The following UHRF1 variants were observed in gnomAD, a reference collection of about 807,000 sequenced individuals.
UHRF1 encodes E3 ubiquitin-protein ligase UHRF1.
Under a neutral mutation model 96.5 loss-of-function variants are expected in UHRF1, and 9 were observed. The ratio of observed to expected loss-of-function variants is 0.09; its 90% CI spans 0.06 to 0.16. The LOEUF (loss-of-function observed/expected upper bound fraction) is 0.16, where lower values mean the gene tolerates loss of function less well. UHRF1 is among the 10% of genes least tolerant of loss of function. UHRF1 has a pLI of 1.00. For synonymous variants in UHRF1, 455 were observed against 469.9 expected (o/e 0.97, Z 0.41); for missense variants, 626 against 1,131.1 (o/e 0.55, Z 6.40).
rs928700113 is a variant in UHRF1, at chr19:4,948,905, C to T, written c.1517+1694C>T. ...TTGGGAGGCTGAGGTGGGCGGATCACGATGTCAGGAGATCGAAACCATCCT... is the reference window on the plus strand; with the variant it reads ...TTGGGAGGCTGAGGTGGGCGGATCATGATGTCAGGAGATCGAAACCATCCT... On this transcript the variant is annotated intron_variant, in intron 11 of 16. Coordinates refer to ENST00000650932, the MANE Select transcript of UHRF1 (RefSeq NM_001048201.3). Among the ~76,000 whole-genome samples the T allele has an allele frequency of 5.6e-5, 8 of 143,770 alleles. 1 individual carries two copies. The highest frequency in any genetic ancestry group is 2.0e-4 in the East Asian group (1 of 4,972). The allele number at this position is 143,770 out of a possible 152,430, so 94.3% of individuals were successfully genotyped here.
rs538531968 is a variant in UHRF1, at chr19:4,918,602, C to T, written c.153+7564C>T. Among the ~76,000 whole-genome samples the T allele has an allele frequency of 1.8e-4, 21 of 114,614 alleles. 1 individual carries two copies. The highest frequency in any genetic ancestry group is 3.9e-4 in the East Asian group (2 of 5,078). The allele number at this position is 114,614 out of a possible 152,430, so 75.2% of individuals were successfully genotyped here. A position where few individuals can be genotyped will look rare whatever the true frequency, so the allele number is the denominator to read the frequency against. ...GCTAATTTTGTATTTTTAGTAGAGA[C>T]GAGGTTTCTCCATATTGGTCAGGCT... is the stretch of plus-strand genomic sequence containing the variant. On this transcript the variant is annotated intron_variant, in intron 2 of 16. Transcript: ENST00000650932.
At chr19:4,938,345 T>A (rs1455101503) in intron 5 of UHRF1, among the ~76,000 whole-genome samples, 1 of 152,146 alleles carries the variant, frequency 6.6e-6, no homozygotes, top group East Asian at 1.9e-4. Context: ...TAAAGTCATT[T>A]GTATTATTTC....
chr19:4,925,956 G>T (rs1568413531), intron 2 of UHRF1, among the ~76,000 whole-genome samples: 2 of 151,950 alleles, frequency 1.3e-5, no homozygotes, highest in Non-Finnish European at 2.9e-5. Flanking sequence ...GGAGTGCAGT[G>T]GTGCAATCTC....
chr19:4,942,172 G>A (rs1010528153), intron 7 of UHRF1, among the ~76,000 whole-genome samples: 3 of 152,042 alleles, frequency 2.0e-5, no homozygotes, highest in Non-Finnish European at 2.9e-5. Context: ...TTTTTGAGAC[G>A]GAGTCTTTTT....
At chr19:4,927,039 C>T (rs576674209) in intron 2 of UHRF1, among the ~76,000 whole-genome samples, 1 of 151,738 alleles carries the variant, frequency 6.6e-6, no homozygotes, top group Admixed American at 6.6e-5. Context: ...CCAGCCTGGG[C>T]GACAGAGCAA....
chr19:4,930,814 C>T lies in UHRF1; in HGVS notation c.507C>T (p.Pro169=). 1 of 1,613,988 alleles carries T rather than the reference C, an allele frequency of 6.2e-7. No homozygotes were observed. Among genetic ancestry groups the T allele is most frequent in the Non-Finnish European group, 8.5e-7 (1 of 1,179,892 alleles). ...VTRKAPSRDE[P]CSSTSRPALE... ...GGAAGGCCCCCTCCCGGGACGAGCC[C>T]TGCAGCTCCACGTCCAGGCCGGCGC... is the stretch of plus-strand genomic sequence containing the variant. Residue 169 remains proline (P), a synonymous_variant, in exon 4 of 17, where the codon CCC becomes CCT. Transcript: ENST00000650932. This position sits in a 1 kb window ranked among gnomAD's most constrained non-coding sequence, Gnocchi z 4.4.
At chr19:4,953,207 G>A (rs1046226687) in intron 13 of UHRF1, among the ~76,000 whole-genome samples, 1 of 152,176 alleles carries the variant, frequency 6.6e-6, no homozygotes, top group African/African-American at 2.4e-5. Context: ...CATTGGTCGA[G>A]GCTCCACAGT....
At chr19:4,913,070 A>G (rs985843784) in intron 2 of UHRF1, among the ~76,000 whole-genome samples, 19 of 152,026 alleles carry the variant, frequency 1.2e-4, no homozygotes, top group African/African-American at 4.6e-4. Flanking sequence ...CTTTGTCTAT[A>G]GTGAAACAGA....
intron 5 of UHRF1, among the ~76,000 whole-genome samples, chr19:4,939,949 G>C (rs1271918415): frequency 6.6e-6 from 1 of 151,626 alleles, no homozygotes. Flanking sequence ...GCGTGAACCC[G>C]GGAGGTGGAG....
chr19:4,907,732 G>A (rs1367551364), upstream of UHRF1, among the ~76,000 whole-genome samples: 1 of 55,558 alleles, frequency 1.8e-5, no homozygotes, highest in Admixed American at 2.5e-4. Flanking sequence ...TTTTTTTTGA[G>A]ACTGAGTTTT....
chr19:4,909,167 CG>C, upstream of UHRF1: 2 of 360,354 alleles, frequency 5.6e-6, no homozygotes, highest in Middle Eastern at 7.7e-4. Context: ...TCAATGCGTG[CG>C]AGTGGGGGGC....
intron 1 of UHRF1, chr19:4,909,900 G>C (rs1161259558): frequency 2.7e-6 from 1 of 371,078 alleles, no homozygotes; most frequent in East Asian, 4.0e-5. Flanking sequence ...GTGGGGGAGG[G>C]CCTGGCGAGC....
At chr19:4,910,506 T>G (rs2032223239) in intron 1 of UHRF1, 1 of 173,540 alleles carries the variant, frequency 5.8e-6, no homozygotes, top group Admixed American at 6.3e-5. Flanking sequence ...TAAATAGGAA[T>G]CCGAGGAATG....
At chr19:4,951,294 C>T (rs141621470) in intron 13 of UHRF1, among the ~76,000 whole-genome samples, 9 of 152,256 alleles carry the variant, frequency 5.9e-5, no homozygotes, top group Middle Eastern at 6.8e-3. Flanking sequence ...GGCTCCATGA[C>T]GGCTCTGACA....
In UHRF1 at chr19:4,960,750, C is replaced by A. The variant is rs764246037; in HGVS notation, c.2329C>A (p.Pro777Thr). The change falls in exon 17 of 17, where the codon CCT becomes ACT. Residue 777 changes from proline (P) to threonine (T), a missense_variant. Transcript: ENST00000650932. ...GRSYAMQVNQPLQTVLNQLFP... is the reference protein window; with the variant it reads ...GRSYAMQVNQTLQTVLNQLFP... ...CAGCTATGCCATGCAGGTGAACCAGCCTCTGCAGACCGTCCTCAACCAGCT... is the reference window on the plus strand; with the variant it reads ...CAGCTATGCCATGCAGGTGAACCAGACTCTGCAGACCGTCCTCAACCAGCT... 1.0e-5 allele frequency: 16 copies of A among 1,572,884 alleles called. No individual in the cohort carries two copies. The South Asian group carries it at 1.8e-4, about 18-fold the overall frequency.
At chr19:4,915,305 G>A (rs2032449850) in intron 2 of UHRF1, among the ~76,000 whole-genome samples, 1 of 152,212 alleles carries the variant, frequency 6.6e-6, no homozygotes, top group African/African-American at 2.4e-5. Context: ...TGGCTCCCTG[G>A]TAGAGGGCGC....
chr19:4,938,730 G>GGTTTTTTTTTTTT (rs1568421924), intron 5 of UHRF1, among the ~76,000 whole-genome samples: 21 of 61,588 alleles, frequency 3.4e-4, no homozygotes, highest in Admixed American at 7.6e-4. Flanking sequence ...TTTTGGTCAG[G>GGTTTTTTTTTTTT]TTTTTTTTTT....
chr19:4,936,259 C>T (rs989734494), intron 5 of UHRF1, among the ~76,000 whole-genome samples: 14 of 152,126 alleles, frequency 9.2e-5, no homozygotes, highest in Non-Finnish European at 1.3e-4. Flanking sequence ...GTGTGCCCAT[C>T]GTTAGCACCT....
chr19:4,910,684 TA>T (rs1414692334), intron 1 of UHRF1, 191 bp from the exon 2 acceptor site: 6 of 473,868 alleles, frequency 1.3e-5, no homozygotes, highest in Admixed American at 4.1e-5. Flanking sequence ...GGCTAGTCGT[TA>T]ATGCCTTAAG....
Sources: allele counts gnomAD v4.1 joint callset (sites outside exome capture counted in the v4.1 genomes callset), GRCh38; gene constraint gnomAD v4.1.1; non-coding constraint Gnocchi (gnomAD v3.1); transcripts MANE v1.5; gene names NCBI Gene and HGNC (gene_info 2026-07-23, HGNC 2026-07-21).